Variants in BEGAIN observed in about 807,000 individuals in gnomAD.
BEGAIN encodes the protein brain-enriched guanylate kinase-associated protein.
Under a neutral mutation model 35.8 loss-of-function variants are expected in BEGAIN, and 19 were observed. The ratio of observed to expected loss-of-function variants is 0.53; its 90% CI spans 0.37 to 0.78. The LOEUF (loss-of-function observed/expected upper bound fraction) is 0.78, where lower values mean the gene tolerates loss of function less well. BEGAIN is among the 30% of genes least tolerant of loss of function. The probability of loss-of-function intolerance (pLI) is 0.00; values close to 1 mark genes in which losing one functional copy is unlikely to be tolerated. For synonymous variants in BEGAIN, 462 were observed against 388.6 expected, an observed-to-expected ratio of 1.19 and a Z score of -2.22; for missense variants, 795 against 853.6, an observed-to-expected ratio of 0.93 and a Z score of 0.85.
At chr14:100,570,224 A>G (rs936023101) in intron 1 of BEGAIN, among the ~76,000 whole-genome samples, 15 of 152,216 alleles carry the variant, frequency 9.9e-5, no homozygotes, top group African/African-American at 3.6e-4. Context: ...TTTACATTGA[A>G]TGTTTCAGCC....
intron 1 of BEGAIN, among the ~76,000 whole-genome samples, chr14:100,579,930 G>A (rs965480517): frequency 2.6e-5 from 4 of 152,172 alleles, no homozygotes; most frequent in African/African-American, 9.7e-5. Flanking sequence ...GGACATCTGC[G>A]ATCATCCCTT....
chr14:100,545,303 C>T (rs2032222853), intron 3 of BEGAIN: 1 of 1,352,700 alleles, frequency 7.4e-7, no homozygotes, highest in Non-Finnish European at 9.5e-7. Flanking sequence ...TCCCCCTCCA[C>T]CCCGGGACCC....
At position 100,581,192 on chromosome 14, in the gene BEGAIN, G is replaced by A. The variant is rs1169354836; in HGVS notation, c.42+6057C>T. Among the ~76,000 whole-genome samples, 3 of 152,240 alleles carry A rather than the reference G, an allele frequency of 2.0e-5. No individual in the cohort carries two copies. The East Asian group carries it at 5.8e-4, about 29-fold the overall frequency. ...AGTGCTGGGAAGTGGCATGAGCAAG[G>A]GACTTCAGGACTCATTAGCACTGGG... is the stretch of plus-strand genomic sequence containing the variant. On this transcript the variant is annotated intron_variant, in intron 1 of 6. Coordinates refer to ENST00000554140, the MANE Select transcript of BEGAIN (RefSeq NM_001385089.1).
chr14:100,545,549 G>C, intron 3 of BEGAIN: 4 of 573,106 alleles, frequency 7.0e-6, no homozygotes, highest in Non-Finnish European at 8.8e-6. Flanking sequence ...GAGTGGAGCT[G>C]AGTGTCAGGT....
intron 2 of BEGAIN, among the ~76,000 whole-genome samples, chr14:100,553,779 G>C (rs2033437603): frequency 6.6e-6 from 1 of 152,168 alleles, no homozygotes; most frequent in Non-Finnish European, 1.5e-5. Flanking sequence ...CAACCCTCCT[G>C]CTGGGATACT....
chr14:100,555,062 G>T (rs2139585135), intron 2 of BEGAIN, among the ~76,000 whole-genome samples: 1 of 152,356 alleles, frequency 6.6e-6, no homozygotes, highest in South Asian at 2.1e-4. Context: ...CCCCAAAGCT[G>T]CTCGGACCTC....
At chr14:100,563,000 G>A (rs757904330) in intron 2 of BEGAIN, among the ~76,000 whole-genome samples, 24 of 152,158 alleles carry the variant, frequency 1.6e-4, no homozygotes, top group Non-Finnish European at 2.9e-4. Flanking sequence ...GGGCCCACGC[G>A]GGAGACTTGG....
chr14:100,581,027 C>T (rs2035305894), intron 1 of BEGAIN, among the ~76,000 whole-genome samples: 1 of 152,180 alleles, frequency 6.6e-6, no homozygotes, highest in Admixed American at 6.5e-5. Context: ...CAGCCCCTGC[C>T]CTATTACCAG....
At chr14:100,553,262 C>T (rs2033381536) in intron 2 of BEGAIN, among the ~76,000 whole-genome samples, 1 of 152,070 alleles carries the variant, frequency 6.6e-6, no homozygotes, top group South Asian at 2.1e-4. Context: ...AGATGCCCCT[C>T]CCGCCGCCTC....
chr14:100,554,852 G>A (rs920769845), intron 2 of BEGAIN, among the ~76,000 whole-genome samples: 3 of 152,162 alleles, frequency 2.0e-5, no homozygotes, highest in African/African-American at 7.2e-5. Context: ...CCAGGGACCC[G>A]CCACAGCCCC....
chr14:100,562,299 A>G (rs1194917153), intron 2 of BEGAIN, among the ~76,000 whole-genome samples: 2 of 152,106 alleles, frequency 1.3e-5, no homozygotes, highest in Non-Finnish European at 1.5e-5. Context: ...CCAGACCACA[A>G]TGCAATTAGT....
chr14:100,538,069 C>A lies in BEGAIN; in HGVS notation c.1739G>T (p.Arg580Leu), dbSNP rs115217155. Reference sequence around the variant, plus strand: ...CGGAAAGGCCTGCTGGGGGCTGAGGCGGGCGGCAGGATGCATTTCCGGGGA... The same window carrying A: ...CGGAAAGGCCTGCTGGGGGCTGAGGAGGGCGGCAGGATGCATTTCCGGGGA... ...EASPEMHPAA[R>L]LSPQQAFPRT... The change falls in exon 7 of 7, where the codon CGC (arginine) becomes CTC (leucine). Residue 580 changes from arginine (R) to leucine (L), a missense_variant. By Grantham distance (102) the Arg-to-Leu change is moderately radical (BLOSUM62 -2). This residue lies in a region of BEGAIN where 664 missense variants were observed against 647.7 expected (regional missense o/e 1.03). Coordinates refer to ENST00000554140, the MANE Select transcript of BEGAIN (RefSeq NM_001385089.1). The A allele has an allele frequency of 7.0e-5, 112 of 1,595,514 alleles. No individual in the cohort carries two copies. In the African/African-American group the frequency reaches 1.4e-3, roughly 21 times the overall value.
Position 100,586,795 on chromosome 14 carries a change from C to T in BEGAIN, c.42+454G>A, listed in dbSNP as rs944856217. Among the ~76,000 whole-genome samples the T allele has an allele frequency of 6.6e-6, 1 of 152,212 alleles. No homozygotes were observed. The highest frequency in any genetic ancestry group is 2.1e-4 in the South Asian group (1 of 4,838). ...GGCCCCGGGTCCAGCCTCCTTCCGG[C>T]TCCCGGGCCTTTCTCCGGCCTCCCA... On this transcript the variant is annotated intron_variant, in intron 1 of 6. Transcript: ENST00000554140. This position sits in a 1 kb window ranked among gnomAD's most constrained non-coding sequence, Gnocchi z 4.9.
At chr14:100,574,633 C>T (rs1478062902) in intron 1 of BEGAIN, among the ~76,000 whole-genome samples, 1 of 151,582 alleles carries the variant, frequency 6.6e-6, no homozygotes, top group Non-Finnish European at 1.5e-5. Flanking sequence ...CTGGCAACGT[C>T]GGCCCACATT....
intron 1 of BEGAIN, among the ~76,000 whole-genome samples, chr14:100,583,233 G>C (rs1279580591): frequency 6.6e-6 from 1 of 151,100 alleles, no homozygotes; most frequent in South Asian, 2.1e-4. Context: ...TTTGTGCACT[G>C]AGCTGCCTTC....
rs1010168920 is a variant in BEGAIN, at chr14:100,567,352, C to T, written c.71+559G>A. On this transcript the variant is annotated intron_variant, in intron 2 of 6. Coordinates refer to ENST00000554140, the MANE Select transcript of BEGAIN (RefSeq NM_001385089.1). The surrounding 1 kb of genome is among the most constrained non-coding windows in gnomAD (Gnocchi z 5.1). ...GCGGGGGACACTCCCCAGAAGCTGT[C>T]GCGGGATTCCCCCAAAATGGCTCCA... Among the ~76,000 whole-genome samples the T allele has an allele frequency of 5.9e-5, 9 of 152,034 alleles. No individual in the cohort carries two copies. The highest frequency in any genetic ancestry group is 2.2e-4 in the African/African-American group (9 of 41,416).
At chr14:100,550,077 T>C (rs1300054687) in intron 2 of BEGAIN, among the ~76,000 whole-genome samples, 1 of 152,162 alleles carries the variant, frequency 6.6e-6, no homozygotes, top group Admixed American at 6.5e-5. Context: ...GGTGTGCGTG[T>C]GCGTGCGCAC....
chr14:100,576,271 T>G (rs1228894572), intron 1 of BEGAIN, among the ~76,000 whole-genome samples: 2 of 152,044 alleles, frequency 1.3e-5, no homozygotes, highest in Non-Finnish European at 2.9e-5. Flanking sequence ...GCAGGCCACC[T>G]GAGGGCCAGC....
rs571945873 is a variant in BEGAIN at position 100,554,584 on chromosome 14, G to A, written c.72-7922C>T. 1.3e-4 allele frequency among the ~76,000 whole-genome samples: 20 copies of A among 152,178 alleles called. No individual in the cohort carries two copies. In the South Asian group the frequency reaches 3.9e-3, roughly 30 times the overall value. On this transcript the variant is annotated intron_variant, in intron 2 of 6. Transcript: ENST00000554140. ...CTCCACGTAGCACCTGAGGGGGCCTGAAACCCCAGCTCACCCCACCCTGCC... is the reference window on the plus strand; with the variant it reads ...CTCCACGTAGCACCTGAGGGGGCCTAAAACCCCAGCTCACCCCACCCTGCC...
Sources: gnomAD v4.1 joint callset for allele counts (sites outside exome capture counted in the v4.1 genomes callset) on GRCh38, gnomAD v4.1.1 for gene constraint, gnomAD v4.1.1 regional missense constraint, Gnocchi (gnomAD v3.1) non-coding constraint, MANE v1.5 for transcripts, NCBI Gene and HGNC (gene_info 2026-07-23, HGNC 2026-07-21) for gene names.